GRHL3: variants seen among roughly 807,000 people sequenced by gnomAD.
GRHL3 encodes grainyhead like transcription factor 3.
A neutral mutation model predicts 70.3 loss-of-function variants in GRHL3; 20 were observed. The observed-to-expected ratio is 0.28, with a 90% confidence interval of 0.20 to 0.41. GRHL3 has a LOEUF of 0.41. Among genes scored for constraint, GRHL3 ranks in the 10% least tolerant of loss-of-function variants. GRHL3 has a pLI of 1.00. For missense variants in GRHL3, 637 were observed against 762.3 expected (o/e 0.84, Z 1.94); for synonymous variants, 299 against 299.9 (o/e 1.00, Z 0.03).
chr1:24,320,946 C>T (rs1025135207), intron 1 of GRHL3, among the ~76,000 whole-genome samples: 2 of 152,174 alleles, frequency 1.3e-5, no homozygotes, highest in Non-Finnish European at 2.9e-5. Context: ...GAGGATTTGA[C>T]AATTTTAGAA....
In GRHL3 at chr1:24,342,916, G is replaced by A; in HGVS notation, c.1310G>A (p.Gly437Asp). ...NSGVKGCLLS[G>D]FRGNETTYLR... ...GGCGTCAAGGGCTGCCTGCTGTCGG[G>A]CTTCAGGGGCAATGAGACGACCTAC... Residue 437 changes from glycine (G) to aspartate (D), a missense_variant, in exon 11 of 16, where the codon GGC becomes GAC. By Grantham distance (94) the Gly-to-Asp change is moderately conservative. Transcript: ENST00000361548. The surrounding 1 kb of genome is among the most constrained non-coding windows in gnomAD (Gnocchi z 4.8). 1.2e-6 allele frequency: 2 copies of A among 1,614,180 alleles called. No individual in the cohort carries two copies. Among genetic ancestry groups the A allele is most frequent in the Admixed American group, 1.7e-5 (1 of 60,028 alleles).
At position 24,321,526 on chromosome 1, in the gene GRHL3, A is replaced by G. The variant is rs1231872268; in HGVS notation, c.17+1958A>G. On this transcript the variant is annotated intron_variant, in intron 1 of 15. Transcript: ENST00000361548. The surrounding 1 kb of genome is among the most constrained non-coding windows in gnomAD (Gnocchi z 4.0). Reference sequence around the variant, plus strand: ...AGCTTGGGCCCTCATGGAATGGCCAACTCTGGCCAGGCCTTGATATAGTGG... The same window carrying G: ...AGCTTGGGCCCTCATGGAATGGCCAGCTCTGGCCAGGCCTTGATATAGTGG... 1 of 152,242 alleles carries G rather than the reference A, an allele frequency of 6.6e-6. No individual in the cohort carries two copies. Among genetic ancestry groups the G allele is most frequent in the African/African-American group, 2.4e-5 (1 of 41,456 alleles). 9.4% of individuals were successfully genotyped at this position (152,242 alleles called of 1,614,324 possible).
intron 14 of GRHL3, among the ~76,000 whole-genome samples, chr1:24,349,695 C>T (rs1239224072): frequency 1.3e-5 from 2 of 152,164 alleles, no homozygotes; most frequent in Non-Finnish European, 2.9e-5. Context: ...ATGGTAGATG[C>T]TCTTCAGGAT....
intron 7 of GRHL3, 86 bp downstream of exon 7, chr1:24,338,189 T>A: frequency 1.2e-6 from 1 of 861,686 alleles, no homozygotes; most frequent in Non-Finnish European, 1.8e-6. Flanking sequence ...CTCACCCCTG[T>A]TTCCCTACCT....
In GRHL3 at chr1:24,342,577, G is replaced by A; in HGVS notation, c.1207-117G>A. ...TGGTACCTTCCCATTTCCTGGTCTT[G>A]TTCTGGAAAAAAGAAGGACCAGAAG... On this transcript the variant is annotated intron_variant, in intron 9 of 15. Transcript: ENST00000361548. This position sits in a 1 kb window ranked among gnomAD's most constrained non-coding sequence, Gnocchi z 4.8. The A allele has an allele frequency of 1.9e-6, 2 of 1,030,684 alleles. No individual in the cohort carries two copies. The highest frequency in any genetic ancestry group is 2.4e-5 in the East Asian group (1 of 41,970). 63.8% of individuals were successfully genotyped at this position (1,030,684 alleles called of 1,614,324 possible).
At chr1:24,329,827 G>C (rs893237998) in intron 1 of GRHL3, among the ~76,000 whole-genome samples, 1 of 152,186 alleles carries the variant, frequency 6.6e-6, no homozygotes, top group East Asian at 1.9e-4. Context: ...TCTCTTCATA[G>C]CCTGGACCAC....
intron 3 of GRHL3, among the ~76,000 whole-genome samples, chr1:24,335,014 A>AACACACACACAC (rs35646472): frequency 2.7e-4 from 37 of 137,042 alleles, no homozygotes; most frequent in African/African-American, 6.9e-4. Flanking sequence ...TCAGCTTGAA[A>AACACACACACAC]ACACACACAC....
rs560956531 is a variant in GRHL3, at chr1:24,346,569, A to G, written c.1471A>G (p.Thr491Ala). ...TCCCCACAGGCTGCCTCTGAAGCGTACCTGCTCGCCCTTCACTGAGGAGTT... is the reference window on the plus strand; with the variant it reads ...TCCCCACAGGCTGCCTCTGAAGCGTGCCTGCTCGCCCTTCACTGAGGAGTT... ...SSSNRLPLKRTCSPFTEEFEP... is the reference protein window; with the variant it reads ...SSSNRLPLKRACSPFTEEFEP... The change falls in exon 13 of 16, where the codon ACC becomes GCC. Residue 491 changes from threonine (T) to alanine (A), a missense_variant. Thr to Ala is a moderately conservative substitution (Grantham distance 58). This residue lies in a region of GRHL3 where 387 missense variants were observed against 513.8 expected (regional missense o/e 0.75). Transcript: ENST00000361548. 3.1e-6 allele frequency: 5 copies of G among 1,612,936 alleles called. No homozygotes were observed. The South Asian group carries it at 5.5e-5, about 18-fold the overall frequency.
Position 24,342,926 on chromosome 1 carries a change from C to T in GRHL3, c.1320C>T (p.Gly440=). Residue 440 remains glycine (G), a synonymous_variant, in exon 11 of 16, where the codon GGC becomes GGT. Transcript: ENST00000361548. This position sits in a 1 kb window ranked among gnomAD's most constrained non-coding sequence, Gnocchi z 4.8. The part of the protein sequence containing the change: ...VKGCLLSGFR[G]NETTYLRPET... ...GCTGCCTGCTGTCGGGCTTCAGGGG[C>T]AATGAGACGACCTACCTTCGGCCAG... The T allele has an allele frequency of 6.2e-7, 1 of 1,614,158 alleles. No homozygotes were observed. Among genetic ancestry groups the T allele is most frequent in the Non-Finnish European group, 8.5e-7 (1 of 1,180,028 alleles).
chr1:24,334,783 T>G lies in GRHL3; in HGVS notation c.266+77T>G, dbSNP rs1639733299. 1 of 1,146,070 alleles carries G rather than the reference T, an allele frequency of 8.7e-7. No individual in the cohort carries two copies. The highest frequency in any genetic ancestry group is 1.5e-5 in the African/African-American group (1 of 65,144). The allele number at this position is 1,146,070 out of a possible 1,614,324, so 71.0% of individuals were successfully genotyped here. A position where few individuals can be genotyped will look rare whatever the true frequency, so the allele number is the denominator to read the frequency against. ...GAGCCTCTTCCACACAGGTTTGACT[T>G]ATCCATTAGGCACAGGAGGCACAGT... On this transcript the variant is annotated intron_variant, in intron 3 of 15. Coordinates refer to ENST00000361548, the MANE Select transcript of GRHL3 (RefSeq NM_198173.3). This position sits in a 1 kb window ranked among gnomAD's most constrained non-coding sequence, Gnocchi z 4.3.
At position 24,354,791 on chromosome 1, in the gene GRHL3, G is replaced by A. The variant is rs1413426978; in HGVS notation, c.*303G>A. The A allele has an allele frequency of 3.9e-6, 1 of 255,162 alleles. No homozygotes were observed. Among genetic ancestry groups the A allele is most frequent in the Non-Finnish European group, 7.7e-6 (1 of 130,292 alleles). The allele number at this position is 255,162 out of a possible 1,614,324, so 15.8% of individuals were successfully genotyped here. The stretch of plus-strand genomic sequence containing the variant: ...CCAGAAGACTGTTCCCTCCTCCCAA[G>A]ACCCTTGTCTGCAGTGGTGCTCCTG... On this transcript the variant is annotated 3_prime_UTR_variant, in exon 16 of 16. Coordinates refer to ENST00000361548, the MANE Select transcript of GRHL3 (RefSeq NM_198173.3).
chr1:24,342,245 T>A lies in GRHL3; in HGVS notation c.1178T>A (p.Val393Asp), dbSNP rs1252371012. The stretch of plus-strand genomic sequence containing the variant: ...ACTGAGCGCCTGGTACACCGTGCTG[T>A]CTGCCAGATCAAGATCTTCTGTGAC... The part of the protein sequence containing the change: ...LGTERLVHRA[V>D]CQIKIFCDKG... Residue 393 changes from valine to aspartate, a missense_variant, in exon 9 of 16, where the codon GTC becomes GAC. By Grantham distance (152) the Val-to-Asp change is radical. This residue lies in a region of GRHL3 where 387 missense variants were observed against 513.8 expected (regional missense o/e 0.75). Transcript: ENST00000361548. The surrounding 1 kb of genome is among the most constrained non-coding windows in gnomAD (Gnocchi z 4.8). 1 of 1,610,954 alleles carries A rather than the reference T, an allele frequency of 6.2e-7. No individual in the cohort carries two copies. The highest frequency in any genetic ancestry group is 8.5e-7 in the Non-Finnish European group (1 of 1,178,330).
chr1:24,329,235 G>A (rs1193009178), intron 1 of GRHL3, among the ~76,000 whole-genome samples: 1 of 152,212 alleles, frequency 6.6e-6, no homozygotes, highest in African/African-American at 2.4e-5. Context: ...TGGGATGGGA[G>A]ACACTGTCCT....
chr1:24,356,393 C>A (rs753075092), downstream of GRHL3, among the ~76,000 whole-genome samples: 3 of 152,108 alleles, frequency 2.0e-5, no homozygotes, highest in African/African-American at 7.2e-5. Flanking sequence ...GTGCCCACCA[C>A]CATGCCCGGC....
At chr1:24,364,101 T>C (rs1641292992) in intron 15 of GRHL3, 15 of 1,448,964 alleles carry the variant, frequency 1.0e-5, no homozygotes, top group Non-Finnish European at 1.4e-5. Flanking sequence ...CTCCATGCCT[T>C]TGTCCCTGCT....
intron 15 of GRHL3, among the ~76,000 whole-genome samples, chr1:24,353,483 G>C (rs1037182763): frequency 6.6e-6 from 1 of 150,838 alleles, no homozygotes; most frequent in African/African-American, 2.4e-5. Flanking sequence ...GTGTAGTAGA[G>C]GGTAGATGGG....
rs201258599 is a variant in GRHL3, at chr1:24,342,843, G to C, written c.1286-49G>C. ...GGAGAAGGAGACCAGAGGTGGGAGG[G>C]ACTTGAGTGGAGGGACCTCGGGGCA... On this transcript the variant is annotated intron_variant, in intron 10 of 15. Transcript: ENST00000361548. This position sits in a 1 kb window ranked among gnomAD's most constrained non-coding sequence, Gnocchi z 4.8. 7.4e-5 allele frequency: 119 copies of C among 1,614,116 alleles called. No individual in the cohort carries two copies. In the African/African-American group the frequency reaches 1.5e-3, roughly 21 times the overall value.
intron 5 of GRHL3, 179 bp from the exon 6 acceptor site, chr1:24,337,457 C>A: frequency 1.5e-6 from 1 of 650,610 alleles, no homozygotes. Flanking sequence ...GACTGTGGCT[C>A]AACAAAGCCA....
intron 4 of GRHL3, 121 bp from the exon 5 acceptor site, chr1:24,336,957 C>G (rs1347156215): frequency 1.6e-6 from 2 of 1,216,946 alleles, no homozygotes; most frequent in East Asian, 2.4e-5. Context: ...ACGGGATTGC[C>G]ATGTACTATT....
Sources: gnomAD v4.1 joint callset for allele counts (sites outside exome capture counted in the v4.1 genomes callset) on GRCh38, gnomAD v4.1.1 for gene constraint, gnomAD v4.1.1 regional missense constraint, Gnocchi (gnomAD v3.1) non-coding constraint, MANE v1.5 for transcripts, NCBI Gene and HGNC (gene_info 2026-07-23, HGNC 2026-07-21) for gene names.